DLG2: variants seen among roughly 807,000 people sequenced by gnomAD.
DLG2 encodes the protein discs large MAGUK scaffold protein 2.
DLG2 carries 45 observed loss-of-function variants against 132.5 expected under a neutral mutation model. The observed-to-expected ratio is 0.34, with a 90% CI of 0.27 to 0.44. DLG2 has a LOEUF of 0.44. Among genes scored for constraint, DLG2 ranks in the 20% least tolerant of loss-of-function variants. The pLI is 1.00. For synonymous variants in DLG2, 424 were observed against 419.6 expected (o/e 1.01, Z -0.13); for missense variants, 1,045 against 1,196.9 (o/e 0.87, Z 1.87).
chr11:84,967,643 C>A (rs1213438518), intron 6 of DLG2, among the ~76,000 whole-genome samples: 1 of 151,992 alleles, frequency 6.6e-6, no homozygotes, highest in Non-Finnish European at 1.5e-5. Flanking sequence ...TTTAGTGAAT[C>A]TTACTTGAAG....
intron 6 of DLG2, among the ~76,000 whole-genome samples, chr11:85,031,243 C>T (rs1278766310): frequency 1.3e-5 from 2 of 151,952 alleles, no homozygotes; most frequent in African/African-American, 4.8e-5. Flanking sequence ...AGTCCATTCT[C>T]TTCTTTCAAT....
chr11:84,570,580 G>A (rs1027424170), intron 6 of DLG2, among the ~76,000 whole-genome samples: 1 of 152,036 alleles, frequency 6.6e-6, no homozygotes, highest in Non-Finnish European at 1.5e-5. Flanking sequence ...ACATAAGAAC[G>A]ACATACTTGG....
chr11:84,503,663 T>G (rs953558270), intron 7 of DLG2, among the ~76,000 whole-genome samples: 1 of 152,184 alleles, frequency 6.6e-6, no homozygotes, highest in Non-Finnish European at 1.5e-5. Flanking sequence ...CAGGGCTAGA[T>G]TGCCTGGTAA....
chr11:84,631,651 C>G (rs2099632386), intron 6 of DLG2, among the ~76,000 whole-genome samples: 1 of 152,198 alleles, frequency 6.6e-6, no homozygotes, highest in African/African-American at 2.4e-5. Context: ...ACTTCACTAC[C>G]ACTCCCCTGC....
At chr11:83,540,062 G>A (rs2096016659) in intron 20 of DLG2, among the ~76,000 whole-genome samples, 1 of 152,100 alleles carries the variant, frequency 6.6e-6, no homozygotes, top group South Asian at 2.1e-4. Flanking sequence ...ACTAGTGAGA[G>A]GATTTCTTTA....
At chr11:83,579,960 ACT>A (rs1265377542) in intron 19 of DLG2, among the ~76,000 whole-genome samples, 1 of 151,894 alleles carries the variant, frequency 6.6e-6, no homozygotes, top group Admixed American at 6.6e-5. Context: ...ACAGAGCGAG[ACT>A]CTATCTCAAA....
At chr11:83,513,122 T>C (rs2095123955) in intron 21 of DLG2, among the ~76,000 whole-genome samples, 1 of 152,230 alleles carries the variant, frequency 6.6e-6, no homozygotes, top group South Asian at 2.1e-4. Context: ...CTTTCCACAA[T>C]GGTTGAACCA....
chr11:84,434,323 C>A (rs922161892), intron 7 of DLG2, among the ~76,000 whole-genome samples: 2 of 151,970 alleles, frequency 1.3e-5, no homozygotes, highest in African/African-American at 4.8e-5. Context: ...CTTTGAAATT[C>A]TAATATAAAA....
chr11:83,839,123 C>T (rs939527131), intron 16 of DLG2, among the ~76,000 whole-genome samples: 3 of 152,132 alleles, frequency 2.0e-5, no homozygotes, highest in Non-Finnish European at 2.9e-5. Context: ...AAACAGAAAA[C>T]ATATAATGTT....
intron 6 of DLG2, among the ~76,000 whole-genome samples, chr11:84,817,264 C>T (rs2077179164): frequency 6.6e-6 from 1 of 151,948 alleles, no homozygotes; most frequent in Non-Finnish European, 1.5e-5. Flanking sequence ...TAGGCAGCTT[C>T]CATTTCAATA....
rs114722271 is a variant in DLG2, at chr11:84,707,703, T to C, written c.358-172972A>G. 1.8e-3 allele frequency among the ~76,000 whole-genome samples: 270 copies of C among 151,974 alleles called. 1 individual carries two copies. Among genetic ancestry groups the C allele is most frequent in the African/African-American group, 6.0e-3 (250 of 41,528 alleles). Reference sequence around the variant, plus strand: ...GATCTGAAACATTTGTCAGCCTTCATTGCACAGATGGAATTTTACCTGAGA... The same window carrying C: ...GATCTGAAACATTTGTCAGCCTTCACTGCACAGATGGAATTTTACCTGAGA... On this transcript the variant is annotated intron_variant, in intron 6 of 27. Transcript: ENST00000376104.
chr11:85,101,845 T>C (rs2070896093), intron 6 of DLG2, among the ~76,000 whole-genome samples: 1 of 152,080 alleles, frequency 6.6e-6, no homozygotes, highest in Admixed American at 6.6e-5. Context: ...AGCCCATTAT[T>C]AAAATTCCTT....
At chr11:84,927,725 A>G (rs2047566861) in intron 6 of DLG2, among the ~76,000 whole-genome samples, 1 of 152,034 alleles carries the variant, frequency 6.6e-6, no homozygotes, top group Admixed American at 6.6e-5. Flanking sequence ...GTCAGAAAAT[A>G]TTATGATGAT....
At chr11:84,398,142 C>T (rs148049067) in intron 7 of DLG2, among the ~76,000 whole-genome samples, 9 of 152,158 alleles carry the variant, frequency 5.9e-5, no homozygotes, top group African/African-American at 9.7e-5. Flanking sequence ...TGATATACAG[C>T]GCTTTGGCAA....
intron 6 of DLG2, among the ~76,000 whole-genome samples, chr11:84,796,825 T>A (rs961101810): frequency 2.3e-4 from 34 of 150,856 alleles, no homozygotes; most frequent in African/African-American, 8.0e-4. Context: ...TATGATTTTT[T>A]ATTTTTTATT....
At chr11:84,620,552 T>TA (rs2099612060) in intron 6 of DLG2, among the ~76,000 whole-genome samples, 1 of 151,966 alleles carries the variant, frequency 6.6e-6, no homozygotes, top group Non-Finnish European at 1.5e-5. Context: ...TAATACAATA[T>TA]AGGTGTAAGC....
intron 7 of DLG2, among the ~76,000 whole-genome samples, chr11:84,329,759 G>A (rs1279862313): frequency 4.6e-5 from 7 of 152,168 alleles, no homozygotes; most frequent in African/African-American, 1.7e-4. Context: ...TTTCATTGTT[G>A]CATAAATATT....
intron 8 of DLG2, among the ~76,000 whole-genome samples, chr11:84,172,796 C>G (rs1363851922): frequency 1.3e-5 from 2 of 152,224 alleles, no homozygotes; most frequent in Non-Finnish European, 2.9e-5. Flanking sequence ...ACCGCCTTGG[C>G]CTCCCAAAGT....
chr11:83,509,807 A>C (rs1483096719), intron 21 of DLG2, among the ~76,000 whole-genome samples: 10 of 151,992 alleles, frequency 6.6e-5, no homozygotes, highest in Non-Finnish European at 1.3e-4. Flanking sequence ...GTCTTGGGAG[A>C]AAGTGCAAGC....
Sources: allele counts gnomAD v4.1 joint callset (sites outside exome capture counted in the v4.1 genomes callset), GRCh38; gene constraint gnomAD v4.1.1; transcripts MANE v1.5; gene names NCBI Gene and HGNC (gene_info 2026-07-23, HGNC 2026-07-21).